The following DGKD variants were observed in gnomAD, a reference collection of about 807,000 sequenced individuals.
DGKD encodes DAG kinase delta.
A neutral mutation model predicts 154.4 loss-of-function variants in DGKD; 68 were observed. That is an observed-to-expected ratio of 0.44 (90% CI 0.36 to 0.54). The LOEUF is 0.54. Ranked by LOEUF, DGKD falls within the 20% of genes least tolerant of loss-of-function variation. The pLI, the probability that DGKD is intolerant of heterozygous loss-of-function variation, is 0.00. For missense variants in DGKD, 1,343 were observed against 1,593.6 expected (o/e 0.84, Z 2.68); for synonymous variants, 693 against 638.0 (o/e 1.09, Z -1.30).
intron 3 of DGKD, among the ~76,000 whole-genome samples, chr2:233,419,780 G>A (rs1362897660): frequency 2.6e-5 from 4 of 152,146 alleles, no homozygotes; most frequent in African/African-American, 9.7e-5. Context: ...TTCTGCTTTG[G>A]GTGTGGGTGG....
intron 29 of DGKD, among the ~76,000 whole-genome samples, chr2:233,468,792 A>G (rs2063910657): frequency 6.6e-6 from 1 of 152,184 alleles, no homozygotes; most frequent in African/African-American, 2.4e-5. Flanking sequence ...ATCTTAGGCT[A>G]CTCAGACAAG....
Position 233,454,826 on chromosome 2 carries a change from A to C in DGKD, c.2328A>C (p.Ile776=), listed in dbSNP as rs1239848275. Residue 776 remains isoleucine, a synonymous_variant, in exon 19 of 30, where the codon ATA becomes ATC. Transcript: ENST00000264057. ...TTGGCATTGGCCTGGATGCGAAGAT[A>C]TCCCTGGACTTTAACAACAAGCGCG... ...NYFGIGLDAK[I]SLDFNNKRDE... 1 of 1,614,132 alleles carries C rather than the reference A, an allele frequency of 6.2e-7. No individual in the cohort carries two copies. Among genetic ancestry groups the C allele is most frequent in the Non-Finnish European group, 8.5e-7 (1 of 1,179,978 alleles).
In DGKD at chr2:233,452,706, T is replaced by G. The variant is rs958525303; in HGVS notation, c.2264+646T>G. The stretch of plus-strand genomic sequence containing the variant: ...CAGTGAGGACATGTATATAGCAGTT[T>G]AATGCAGTCTTCCTAGGTATTGGAG... On this transcript the variant is annotated intron_variant, in intron 18 of 29. Transcript: ENST00000264057. The surrounding 1 kb of genome is among the most constrained non-coding windows in gnomAD (Gnocchi z 4.0). 1.3e-5 allele frequency among the ~76,000 whole-genome samples: 2 copies of G among 152,236 alleles called. No individual in the cohort carries two copies. The highest frequency in any genetic ancestry group is 2.9e-5 in the Non-Finnish European group (2 of 68,048).
chr2:233,470,796 G>A lies in DGKD; in HGVS notation c.*1336G>A, dbSNP rs929082746. 6.6e-6 allele frequency: 1 copy of A among 152,424 alleles called. No individual in the cohort carries two copies. The highest frequency in any genetic ancestry group is 2.4e-5 in the African/African-American group (1 of 41,400). The allele number at this position is 152,424 out of a possible 1,614,324, so 9.4% of individuals were successfully genotyped here. On this transcript the variant is annotated 3_prime_UTR_variant, in exon 30 of 30. Coordinates refer to ENST00000264057, the MANE Select transcript of DGKD (RefSeq NM_152879.3). ...ATGGCTCTGGCCTGGCTGCCTGGCCGTGGCTTCTCTTTGGCTCCCAAAGAG... is the reference window on the plus strand; with the variant it reads ...ATGGCTCTGGCCTGGCTGCCTGGCCATGGCTTCTCTTTGGCTCCCAAAGAG...
At position 233,441,735 on chromosome 2, in the gene DGKD, G is replaced by A. The variant is rs2062897289; in HGVS notation, c.1086-152G>A. 1 of 652,680 alleles carries A rather than the reference G, an allele frequency of 1.5e-6. No homozygotes were observed. Among genetic ancestry groups the A allele is most frequent in the Non-Finnish European group, 2.7e-6 (1 of 376,822 alleles). The allele number at this position is 652,680 out of a possible 1,614,324, so 40.4% of individuals were successfully genotyped here. ...ACAAAGTGGACCCTGAGTGGAGGCGGCTGGTGTCACGTGGCAGGGCCTGTG... is the reference window on the plus strand; with the variant it reads ...ACAAAGTGGACCCTGAGTGGAGGCGACTGGTGTCACGTGGCAGGGCCTGTG... On this transcript the variant is annotated intron_variant, in intron 9 of 29. Transcript: ENST00000264057. The surrounding 1 kb of genome is among the most constrained non-coding windows in gnomAD (Gnocchi z 5.6).
rs560856855 is a variant in DGKD at position 233,458,723 on chromosome 2, C to T, written c.2694+326C>T. Among the ~76,000 whole-genome samples the T allele has an allele frequency of 1.2e-4, 18 of 151,812 alleles. No individual in the cohort carries two copies. Among genetic ancestry groups the T allele is most frequent in the Non-Finnish European group, 1.5e-4 (10 of 67,944 alleles). ...ACCTCCCTGGTTCAAGTGATTCTCC[C>T]GCCTCAGCCTTCCGAGTAGCTGGGA... On this transcript the variant is annotated intron_variant, in intron 22 of 29. Transcript: ENST00000264057. The surrounding 1 kb of genome is among the most constrained non-coding windows in gnomAD (Gnocchi z 6.6).
chr2:233,449,079 A>T lies in DGKD; in HGVS notation c.1615-24A>T. 1.3e-6 allele frequency: 2 copies of T among 1,570,450 alleles called. No individual in the cohort carries two copies. The highest frequency in any genetic ancestry group is 2.3e-5 in the East Asian group (1 of 43,920). ...CCCTGTTCTCCTGCCTCAGCTCTGCATGCCATTTCCTTTCCTTGTTCAGTG... is the reference window on the plus strand; with the variant it reads ...CCCTGTTCTCCTGCCTCAGCTCTGCTTGCCATTTCCTTTCCTTGTTCAGTG... On this transcript the variant is annotated intron_variant, in intron 14 of 29. Coordinates refer to ENST00000264057, the MANE Select transcript of DGKD (RefSeq NM_152879.3). This position sits in a 1 kb window ranked among gnomAD's most constrained non-coding sequence, Gnocchi z 5.3.
At chr2:233,409,348 A>G (rs1242785207) in intron 3 of DGKD, among the ~76,000 whole-genome samples, 1 of 152,228 alleles carries the variant, frequency 6.6e-6, no homozygotes, top group Non-Finnish European at 1.5e-5. Context: ...GTAATTTAGT[A>G]AGGGAAAGAG....
intron 3 of DGKD, among the ~76,000 whole-genome samples, chr2:233,409,498 G>A (rs547372224): frequency 4.0e-5 from 6 of 150,722 alleles, no homozygotes; most frequent in Admixed American, 1.3e-4. Context: ...GCCAAGTTCC[G>A]TCTGTCTGGT....
At chr2:233,378,184 C>T (rs1005029474) in intron 1 of DGKD, among the ~76,000 whole-genome samples, 12 of 151,298 alleles carry the variant, frequency 7.9e-5, no homozygotes, top group Non-Finnish European at 1.8e-4. Flanking sequence ...GAGGCCAAGG[C>T]GGGTGGATTG....
intron 1 of DGKD, among the ~76,000 whole-genome samples, chr2:233,357,610 T>A (rs1326861680): frequency 6.6e-6 from 1 of 150,672 alleles, no homozygotes; most frequent in Non-Finnish European, 1.5e-5. Flanking sequence ...CGATCTCAGC[T>A]ACGGCAACCT....
Position 233,369,609 on chromosome 2 carries a change from C to G in DGKD, c.156+14935C>G, listed in dbSNP as rs140146589. On this transcript the variant is annotated intron_variant, in intron 1 of 29. Coordinates refer to ENST00000264057, the MANE Select transcript of DGKD (RefSeq NM_152879.3). The stretch of plus-strand genomic sequence containing the variant: ...AGCCTCTCCCCTCCCCCTTTCTGTT[C>G]TGATGTGATGTTCCTTGAATGGCGT... Among the ~76,000 whole-genome samples, 480 of 152,230 alleles carry G rather than the reference C, an allele frequency of 3.2e-3. 1 individual carries two copies. The highest frequency in any genetic ancestry group is 0.011 in the African/African-American group (446 of 41,532).
intron 3 of DGKD, among the ~76,000 whole-genome samples, chr2:233,398,882 C>T (rs1335350156): frequency 6.6e-6 from 1 of 152,196 alleles, no homozygotes; most frequent in Non-Finnish European, 1.5e-5. Context: ...CTTCAGCCTC[C>T]CAAAGTGCTA....
intron 1 of DGKD, among the ~76,000 whole-genome samples, chr2:233,387,962 G>A (rs1703296338): frequency 6.6e-6 from 1 of 152,190 alleles, no homozygotes; most frequent in South Asian, 2.1e-4. Flanking sequence ...GTGGCCCTGT[G>A]AGCCTCAGTG....
At chr2:233,396,905 C>G (rs1390852857) in intron 3 of DGKD, among the ~76,000 whole-genome samples, 3 of 132,722 alleles carry the variant, frequency 2.3e-5, no homozygotes, top group African/African-American at 8.7e-5. Flanking sequence ...AGCAAGAGGA[C>G]ACCAGAGGGG....
At chr2:233,431,405 G>A (rs1035606669) in intron 3 of DGKD, among the ~76,000 whole-genome samples, 1 of 152,162 alleles carries the variant, frequency 6.6e-6, no homozygotes, top group Admixed American at 6.5e-5. Flanking sequence ...ATTACCCAAA[G>A]CAGTCTACAG....
intron 3 of DGKD, among the ~76,000 whole-genome samples, chr2:233,399,426 G>T (rs2061503257): frequency 6.6e-6 from 1 of 152,224 alleles, no homozygotes; most frequent in African/African-American, 2.4e-5. Flanking sequence ...CTTCCTTCCT[G>T]CAGGGCACAG....
intron 1 of DGKD, among the ~76,000 whole-genome samples, chr2:233,367,343 C>G (rs1285363631): frequency 1.3e-5 from 2 of 152,054 alleles, no homozygotes; most frequent in East Asian, 3.9e-4. Context: ...ATTCTCCTGC[C>G]TCAGCTTCCC....
chr2:233,391,416 C>CCG (rs1703607110), intron 3 of DGKD, among the ~76,000 whole-genome samples: 1 of 151,862 alleles, frequency 6.6e-6, no homozygotes, highest in African/African-American at 2.4e-5. Context: ...TTTTTTCCCC[C>CCG]CCCAGGACAA....
Sources: allele counts gnomAD v4.1 joint callset (sites outside exome capture counted in the v4.1 genomes callset), GRCh38; gene constraint gnomAD v4.1.1; non-coding constraint Gnocchi (gnomAD v3.1); transcripts MANE v1.5; gene names NCBI Gene and HGNC (gene_info 2026-07-23, HGNC 2026-07-21).